Variants in SLIT3 observed in about 807,000 individuals in gnomAD.
SLIT3 encodes the protein slit homolog 3 protein.
Under a neutral mutation model 184.0 loss-of-function variants are expected in SLIT3, and 68 were observed. That is an observed-to-expected ratio of 0.37 (90% CI 0.30 to 0.45). The LOEUF is 0.45. Among genes scored for constraint, SLIT3 ranks in the 20% least tolerant of loss-of-function variants. SLIT3 has a pLI of 1.00. For missense variants in SLIT3, 1,707 were observed against 2,026.0 expected (o/e 0.84, Z 3.02); for synonymous variants, 831 against 828.6 (o/e 1.00, Z -0.05).
At chr5:169,264,269 C>T (rs1215582787) in intron 1 of SLIT3, among the ~76,000 whole-genome samples, 6 of 152,128 alleles carry the variant, frequency 3.9e-5, no homozygotes, top group Non-Finnish European at 1.5e-5. Context: ...TCTCGGCTCA[C>T]TGCAACCTCC....
chr5:168,858,125 A>C (rs986676892), intron 5 of SLIT3, among the ~76,000 whole-genome samples: 1 of 152,246 alleles, frequency 6.6e-6, no homozygotes, highest in African/African-American at 2.4e-5. Flanking sequence ...GCTTTTAGAA[A>C]GCGAAGGCTA....
intron 4 of SLIT3, among the ~76,000 whole-genome samples, chr5:169,058,484 G>A (rs1028468127): frequency 6.6e-6 from 1 of 152,208 alleles, no homozygotes; most frequent in Non-Finnish European, 1.5e-5. Flanking sequence ...TTTGGGAGAA[G>A]CTGGGGAACA....
At chr5:168,740,184 G>A (rs923332315) in intron 20 of SLIT3, among the ~76,000 whole-genome samples, 1 of 152,106 alleles carries the variant, frequency 6.6e-6, no homozygotes, top group Non-Finnish European at 1.5e-5. Context: ...AGACAAAGAG[G>A]GCAACTGGTA....
At chr5:169,034,803 G>T in intron 4 of SLIT3, among the ~76,000 whole-genome samples, 1 of 151,330 alleles carries the variant, frequency 6.6e-6, no homozygotes, top group Non-Finnish European at 1.5e-5. Flanking sequence ...GAGTGCAGTG[G>T]CTTGCAATCA....
At position 168,817,431 on chromosome 5, in the gene SLIT3, C is replaced by T; in HGVS notation, c.662G>A (p.Cys221Tyr). Residue 221 changes from cysteine to tyrosine, a missense_variant, in exon 8 of 36, where the codon TGC (cysteine) becomes TAC (tyrosine). Around this residue, in one of 3 missense-constraint regions of SLIT3, gnomAD observed 1,307 missense variants for 1,511.6 expected, o/e 0.86. Coordinates refer to ENST00000519560, the MANE Select transcript of SLIT3 (RefSeq NM_003062.4). Reference protein sequence around the residue: ...RLHSNHLYCDCHLAWLSDWLR... With the variant: ...RLHSNHLYCDYHLAWLSDWLR... ...CCAATCCGAGAGCCAGGCCAGGTGG[C>T]AGTCGCAGTACAGGTGGTTGGAGTG... The T allele has an allele frequency of 6.2e-7, 1 of 1,614,178 alleles. No individual in the cohort carries two copies. Among genetic ancestry groups the T allele is most frequent in the Non-Finnish European group, 8.5e-7 (1 of 1,180,036 alleles).
At chr5:168,684,350 A>G (rs192101975) in intron 31 of SLIT3, among the ~76,000 whole-genome samples, 2 of 152,300 alleles carry the variant, frequency 1.3e-5, no homozygotes, top group East Asian at 3.9e-4. Context: ...CACTATGTTC[A>G]TATATTAATG....
At chr5:168,672,123 T>C (rs1163924904) in intron 33 of SLIT3, among the ~76,000 whole-genome samples, 1 of 152,174 alleles carries the variant, frequency 6.6e-6, no homozygotes, top group East Asian at 1.9e-4. Context: ...CCACCTTCTA[T>C]AGTTGAGAGC....
At chr5:169,120,237 C>A (rs563310028) in intron 4 of SLIT3, 13 of 152,252 alleles carry the variant, frequency 8.5e-5, no homozygotes, top group Admixed American at 3.3e-4. Context: ...GCAACAGGGA[C>A]CAAATTTTCT....
chr5:168,760,747 G>A, intron 16 of SLIT3, 115 bp downstream of exon 16: 1 of 748,592 alleles, frequency 1.3e-6, no homozygotes, highest in Non-Finnish European at 2.4e-6. Context: ...GGAGAAGGCT[G>A]GGAGGGAGTG....
At chr5:168,831,675 T>C (rs1304944316) in intron 6 of SLIT3, among the ~76,000 whole-genome samples, 2 of 152,182 alleles carry the variant, frequency 1.3e-5, no homozygotes, top group African/African-American at 4.8e-5. Context: ...GTGAGCGTTA[T>C]TTTTAAACAC....
chr5:168,850,600 T>C (rs551286938), intron 5 of SLIT3, among the ~76,000 whole-genome samples: 1 of 152,368 alleles, frequency 6.6e-6, no homozygotes, highest in Non-Finnish European at 1.5e-5. Context: ...AAATCTACTT[T>C]GTAAAGGACA....
At chr5:168,670,161 G>A (rs554770006) in intron 34 of SLIT3, among the ~76,000 whole-genome samples, 170 bp from the exon 35 acceptor site, 1 of 152,256 alleles carries the variant, frequency 6.6e-6, no homozygotes, top group African/African-American at 2.4e-5. Context: ...TGGTTCCCCT[G>A]GCCAACCAGC....
intron 4 of SLIT3, among the ~76,000 whole-genome samples, chr5:168,978,482 T>C (rs1366543573): frequency 1.3e-5 from 2 of 152,210 alleles, no homozygotes; most frequent in Non-Finnish European, 2.9e-5. Flanking sequence ...TTTAAGGGCC[T>C]AGAGGTGAAC....
At chr5:169,151,497 A>G (rs1219320765) in intron 4 of SLIT3, among the ~76,000 whole-genome samples, 1 of 152,262 alleles carries the variant, frequency 6.6e-6, no homozygotes, top group Non-Finnish European at 1.5e-5. Context: ...CAATGCTGGG[A>G]CAGCCCTCCT....
chr5:168,736,266 G>GGCTGTCACTGTCCAATA (rs1325636039), intron 20 of SLIT3, among the ~76,000 whole-genome samples: 4 of 152,198 alleles, frequency 2.6e-5, no homozygotes, highest in African/African-American at 9.6e-5. Context: ...TCCCATAGAT[G>GGCTGTCACTGTCCAATA]GCTGTCACTG....
intron 4 of SLIT3, among the ~76,000 whole-genome samples, chr5:169,051,791 C>T (rs940718611): frequency 6.6e-6 from 1 of 152,066 alleles, no homozygotes; most frequent in African/African-American, 2.4e-5. Flanking sequence ...TGAGCCAGGT[C>T]GTTCTACAGC....
chr5:169,067,701 G>A (rs1039149452), intron 4 of SLIT3, among the ~76,000 whole-genome samples: 1 of 152,148 alleles, frequency 6.6e-6, no homozygotes, highest in Non-Finnish European at 1.5e-5. Flanking sequence ...GACATCAGAG[G>A]AGTGAAATGG....
chr5:168,856,809 G>GCGCGCACGCGCGCGCA (rs1554149488), intron 5 of SLIT3, among the ~76,000 whole-genome samples: 1 of 145,412 alleles, frequency 6.9e-6, no homozygotes, highest in Non-Finnish European at 1.5e-5. Flanking sequence ...GTGTGTGTGC[G>GCGCGCACGCGCGCGCA]CGCGCGCGCA....
intron 4 of SLIT3, among the ~76,000 whole-genome samples, chr5:169,081,991 C>G (rs891233031): frequency 1.3e-5 from 2 of 152,206 alleles, no homozygotes; most frequent in Non-Finnish European, 2.9e-5. Flanking sequence ...TCCAGACCCC[C>G]CCACAGCATA....
Sources: allele counts gnomAD v4.1 joint callset (sites outside exome capture counted in the v4.1 genomes callset), GRCh38; gene constraint gnomAD v4.1.1; regional missense constraint gnomAD v4.1.1; transcripts MANE v1.5; gene names NCBI Gene and HGNC (gene_info 2026-07-23, HGNC 2026-07-21).